SYT17: variants seen among roughly 807,000 people sequenced by gnomAD.
The protein encoded by SYT17 is synaptotagmin-17.
In SYT17, 22 loss-of-function variants were observed where a neutral mutation model predicts 46.7. The observed-to-expected ratio is 0.47, with a 90% CI of 0.34 to 0.67. The LOEUF (loss-of-function observed/expected upper bound fraction) is 0.67. Ranked by LOEUF, SYT17 falls within the 30% of genes least tolerant of loss-of-function variation. The pLI, the probability that SYT17 is intolerant of heterozygous loss-of-function variation, is 0.01. For missense variants in SYT17, 519 were observed against 612.8 expected (o/e 0.85, Z 1.62); for synonymous variants, 251 against 248.4 (o/e 1.01, Z -0.10).
At chr16:19,263,283 T>C (rs1302009443) in intron 7 of SYT17, among the ~76,000 whole-genome samples, 1 of 152,202 alleles carries the variant, frequency 6.6e-6, no homozygotes, top group Non-Finnish European at 1.5e-5. Flanking sequence ...TGGTAATTTC[T>C]GTCTCTAAAG....
intron 7 of SYT17, among the ~76,000 whole-genome samples, chr16:19,226,185 A>G (rs895404152): frequency 6.6e-6 from 1 of 152,146 alleles, no homozygotes; most frequent in African/African-American, 2.4e-5. Flanking sequence ...CAACCTACAC[A>G]AAGTCTCAAG....
At chr16:19,176,014 G>A (rs1340375024) in intron 3 of SYT17, among the ~76,000 whole-genome samples, 2 of 152,152 alleles carry the variant, frequency 1.3e-5, no homozygotes, top group East Asian at 1.9e-4. Flanking sequence ...GCCCCCTAGA[G>A]TTGTGCATTT....
At chr16:19,211,881 C>T (rs1199058540) in intron 5 of SYT17, among the ~76,000 whole-genome samples, 1 of 152,092 alleles carries the variant, frequency 6.6e-6, no homozygotes, top group African/African-American at 2.4e-5. Flanking sequence ...CCGCCTCAGC[C>T]TCCCAAAATG....
chr16:19,173,245 G>T, intron 2 of SYT17, 185 bp from the exon 3 acceptor site: 2 of 559,124 alleles, frequency 3.6e-6, no homozygotes, highest in South Asian at 2.5e-5. Context: ...CCTGCAGTTG[G>T]TAAATAGAAA....
intron 7 of SYT17, among the ~76,000 whole-genome samples, chr16:19,232,724 G>T (rs1234867503): frequency 6.6e-6 from 1 of 151,930 alleles, no homozygotes; most frequent in East Asian, 1.9e-4. Context: ...CCAGCTGCTC[G>T]GGAGGCTTAG....
intron 2 of SYT17, chr16:19,172,983 C>A (rs967445576): frequency 1.6e-5 from 10 of 625,652 alleles, no homozygotes; most frequent in Non-Finnish European, 2.8e-5. Flanking sequence ...TCCCTCTCCA[C>A]CCCTACTTAT....
chr16:19,176,619 A>T (rs1964322401), intron 3 of SYT17, among the ~76,000 whole-genome samples: 2 of 152,032 alleles, frequency 1.3e-5, no homozygotes, highest in Admixed American at 1.3e-4. Context: ...TAGTTTGCAG[A>T]CCCCTGTAAT....
At position 19,174,883 on chromosome 16, in the gene SYT17, G is replaced by A. The variant is rs527892368; in HGVS notation, c.182+1305G>A. ...TGTAATCCCAGCATTTTGGGAGGCT[G>A]AGGGCAGGCGGATCACTTGAGCTCA... On this transcript the variant is annotated intron_variant, in intron 3 of 7. Transcript: ENST00000355377. Among the ~76,000 whole-genome samples the A allele has an allele frequency of 1.1e-4, 17 of 152,326 alleles. No homozygotes were observed. In the East Asian group the frequency reaches 3.3e-3, roughly 29 times the overall value.
chr16:19,225,959 A>G (rs953251645), intron 7 of SYT17, among the ~76,000 whole-genome samples: 2 of 152,252 alleles, frequency 1.3e-5, no homozygotes, highest in African/African-American at 4.8e-5. Context: ...ACACAAGGGT[A>G]GGAAGAGTGG....
In SYT17 at chr16:19,247,904, C is replaced by T. The variant is rs376312217; in HGVS notation, c.1229-18976C>T. On this transcript the variant is annotated intron_variant, in intron 7 of 7. Coordinates refer to ENST00000355377, the MANE Select transcript of SYT17 (RefSeq NM_016524.4). ...TTCAACAGGATTGAAAACCTTTGCT[C>T]TTCAAAAGACATAGTCAAGAAAATA... 2.6e-5 allele frequency among the ~76,000 whole-genome samples: 4 copies of T among 152,120 alleles called. No homozygotes were observed. In the East Asian group the frequency reaches 7.7e-4, roughly 29 times the overall value.
chr16:19,241,739 G>A (rs1399893827), intron 7 of SYT17, among the ~76,000 whole-genome samples: 5 of 152,186 alleles, frequency 3.3e-5, no homozygotes, highest in African/African-American at 1.2e-4. Context: ...CAGCTACGGC[G>A]GGGCAGAGAG....
chr16:19,213,367 G>A (rs1965977129), intron 5 of SYT17, among the ~76,000 whole-genome samples: 1 of 152,226 alleles, frequency 6.6e-6, no homozygotes, highest in African/African-American at 2.4e-5. Flanking sequence ...TACACTGGCA[G>A]GAAGGACAGT....
Position 19,174,540 on chromosome 16 carries a change from T to A in SYT17, c.182+962T>A, listed in dbSNP as rs544615451. ...TGGTGTCCCATCTTTCCCTCCAAGC[T>A]GGGGGCTCATGCCTCAGGCCTCTCA... On this transcript the variant is annotated intron_variant, in intron 3 of 7. Transcript: ENST00000355377. Among the ~76,000 whole-genome samples the A allele has an allele frequency of 2.0e-5, 3 of 152,260 alleles. 1 individual carries two copies. The East Asian group carries it at 5.8e-4, about 29-fold the overall frequency.
At chr16:19,209,875 C>T (rs1965827915) in intron 5 of SYT17, among the ~76,000 whole-genome samples, 2 of 97,404 alleles carry the variant, frequency 2.1e-5, no homozygotes, top group South Asian at 5.9e-4. Context: ...AAGACTCTGT[C>T]TCAAAACAAA....
intron 7 of SYT17, among the ~76,000 whole-genome samples, chr16:19,238,182 A>C (rs1322107656): frequency 6.6e-6 from 1 of 152,216 alleles, no homozygotes; most frequent in Non-Finnish European, 1.5e-5. Flanking sequence ...GATGGATCAG[A>C]TGTAAAGGAC....
chr16:19,224,923 T>C, intron 7 of SYT17, 85 bp downstream of exon 7: 1 of 1,499,278 alleles, frequency 6.7e-7, no homozygotes, highest in Non-Finnish European at 9.1e-7. Flanking sequence ...CTAGAGAGAG[T>C]TACATTTAAG....
At position 19,183,715 on chromosome 16, in the gene SYT17, T is replaced by C; in HGVS notation, c.519T>C (p.Ser173=). ...ACTCCAACAGCGACGATGTGGACTC[T>C]CTGACAGACGAGGAGATCCTGTCCA... The part of the protein sequence containing the change: ...SLDSNSDDVD[S]LTDEEILSKY... The change falls in exon 5 of 8, where the codon TCT becomes TCC. Residue 173 remains serine, a synonymous_variant. Transcript: ENST00000355377. The surrounding 1 kb of genome is among the most constrained non-coding windows in gnomAD (Gnocchi z 5.6). 1 of 1,614,216 alleles carries C rather than the reference T, an allele frequency of 6.2e-7. No individual in the cohort carries two copies. The highest frequency in any genetic ancestry group is 2.2e-5 in the East Asian group (1 of 44,876).
At chr16:19,171,729 A>G (rs970784212) in intron 1 of SYT17, 18 of 152,198 alleles carry the variant, frequency 1.2e-4, no homozygotes, top group African/African-American at 4.3e-4. Context: ...CACTAATATC[A>G]TAGGAAACCA....
At chr16:19,200,810 G>A (rs1965431691) in intron 5 of SYT17, among the ~76,000 whole-genome samples, 1 of 152,246 alleles carries the variant, frequency 6.6e-6, no homozygotes, top group Non-Finnish European at 1.5e-5. Context: ...AAGAGAAGAG[G>A]AGAGGTGAGA....
Sources: allele counts gnomAD v4.1 joint callset (sites outside exome capture counted in the v4.1 genomes callset), GRCh38; gene constraint gnomAD v4.1.1; non-coding constraint Gnocchi (gnomAD v3.1); transcripts MANE v1.5; gene names NCBI Gene and HGNC (gene_info 2026-07-23, HGNC 2026-07-21).